The following LRBA variants were observed in gnomAD, a reference collection of about 807,000 sequenced individuals.
LRBA encodes the protein LPS responsive beige-like anchor protein.
A neutral mutation model predicts 330.0 loss-of-function variants in LRBA; 176 were observed. That is an observed-to-expected ratio of 0.53 (90% CI 0.47 to 0.60). The LOEUF is 0.60. Among genes scored for constraint, LRBA ranks in the 20% least tolerant of loss-of-function variants. LRBA has a pLI of 0.00. For synonymous variants in LRBA, 1,230 were observed against 1,193.0 expected (o/e 1.03, Z -0.64); for missense variants, 3,259 against 3,444.8 (o/e 0.95, Z 1.35).
intron 34 of LRBA, 108 bp from the exon 35 acceptor site, chr4:150,761,955 C>G: frequency 1.5e-6 from 1 of 657,598 alleles, no homozygotes; most frequent in Non-Finnish European, 2.7e-6. Context: ...ATGCCTAACT[C>G]TTAAAAGTTA....
intron 30 of LRBA, among the ~76,000 whole-genome samples, chr4:150,827,011 AGATAT>A (rs1465220804): frequency 6.6e-6 from 1 of 152,210 alleles, no homozygotes; most frequent in African/African-American, 2.4e-5. Context: ...GAGAGACTAT[AGATAT>A]GACAAAAAGG....
chr4:150,609,521 A>G (rs1775012499), intron 37 of LRBA, among the ~76,000 whole-genome samples: 1 of 152,220 alleles, frequency 6.6e-6, no homozygotes, highest in Non-Finnish European at 1.5e-5. Flanking sequence ...TATAAGAGAT[A>G]TTATACTTCT....
chr4:150,865,548 T>C (rs554569950), intron 22 of LRBA, among the ~76,000 whole-genome samples: 1 of 152,296 alleles, frequency 6.6e-6, no homozygotes, highest in Non-Finnish European at 1.5e-5. Context: ...AAATCAGATC[T>C]CTTTTCTTAT....
At chr4:150,494,724 G>A (rs928345318) in intron 40 of LRBA, among the ~76,000 whole-genome samples, 2 of 152,252 alleles carry the variant, frequency 1.3e-5, no homozygotes, top group Admixed American at 1.3e-4. Flanking sequence ...GGCGGGGCAC[G>A]GTGGCTCACG....
chr4:150,916,414 A>C lies in LRBA; in HGVS notation c.881T>G (p.Phe294Cys), dbSNP rs779765638. 2.5e-6 allele frequency: 4 copies of C among 1,612,682 alleles called. No homozygotes were observed. The African/African-American group carries it at 4.0e-5, about 16-fold the overall frequency. Residue 294 changes from phenylalanine (F) to cysteine (C), a missense_variant, in exon 7 of 57, where the codon TTC (phenylalanine) becomes TGC (cysteine). By Grantham distance (205) the Phe-to-Cys change is radical. Coordinates refer to ENST00000651943, the MANE Select transcript of LRBA (RefSeq NM_001364905.1). The stretch of plus-strand genomic sequence containing the variant: ...AAGATCATGTACCTTTTGTGGCTTG[A>C]AATCAAATTTCACACAGTGTTGAAA... Reference protein sequence around the residue: ...KGFQHCVKFDFKPQKWYMVTI... With the variant: ...KGFQHCVKFDCKPQKWYMVTI...
chr4:150,383,800 T>TA (rs1047973501), intron 47 of LRBA, among the ~76,000 whole-genome samples: 4 of 151,888 alleles, frequency 2.6e-5, no homozygotes, highest in Non-Finnish European at 4.4e-5. Context: ...GGCAGAAATT[T>TA]AAAAAAAGCC....
In LRBA at chr4:150,265,448, C is replaced by A; in HGVS notation, c.*274G>T. On this transcript the variant is annotated 3_prime_UTR_variant, in exon 57 of 57. Coordinates refer to ENST00000651943, the MANE Select transcript of LRBA (RefSeq NM_001364905.1). ...TGGAATAAGTGGTTTACTTGCTCCA[C>A]TGTATGTTTCCATAATTGGTGAAAA... 1.7e-5 allele frequency: 5 copies of A among 292,478 alleles called. 1 individual carries two copies. The South Asian group carries it at 2.3e-4, about 14-fold the overall frequency. The allele number at this position is 292,478 out of a possible 1,614,324, so 18.1% of individuals were successfully genotyped here.
chr4:150,799,271 G>C lies in LRBA; in HGVS notation c.5519-1129C>G, dbSNP rs538981947. ...AGTGTCAGCACTGGCAAGAAAATTA[G>C]CTATAGAATGTCTCTATATTGTATT... is the stretch of plus-strand genomic sequence containing the variant. On this transcript the variant is annotated intron_variant, in intron 33 of 56. Coordinates refer to ENST00000651943, the MANE Select transcript of LRBA (RefSeq NM_001364905.1). Among the ~76,000 whole-genome samples the C allele has an allele frequency of 4.0e-4, 61 of 152,160 alleles. 1 individual carries two copies. Among genetic ancestry groups the C allele is most frequent in the Non-Finnish European group, 1.3e-4 (9 of 68,022 alleles).
intron 48 of LRBA, among the ~76,000 whole-genome samples, chr4:150,348,126 G>C (rs1021623714): frequency 3.3e-5 from 5 of 152,166 alleles, no homozygotes; most frequent in Admixed American, 3.3e-4. Flanking sequence ...TGTTCTTCTA[G>C]ATTAACGCAC....
intron 47 of LRBA, among the ~76,000 whole-genome samples, chr4:150,365,367 A>T (rs1739312757): frequency 6.6e-6 from 1 of 152,174 alleles, no homozygotes; most frequent in Non-Finnish European, 1.5e-5. Flanking sequence ...ATACCAATAT[A>T]TTAGTTGCTA....
At chr4:150,455,660 T>C (rs2152038577) in intron 44 of LRBA, among the ~76,000 whole-genome samples, 1 of 152,324 alleles carries the variant, frequency 6.6e-6, no homozygotes, top group African/African-American at 2.4e-5. Flanking sequence ...ATCCCTTGTG[T>C]TACAATCAAA....
chr4:150,657,999 A>T (rs1276886394), intron 37 of LRBA, among the ~76,000 whole-genome samples: 3 of 152,168 alleles, frequency 2.0e-5, no homozygotes, highest in Non-Finnish European at 4.4e-5. Context: ...GTAAAGAAAT[A>T]AATGACCCAC....
intron 2 of LRBA, among the ~76,000 whole-genome samples, chr4:150,981,268 C>T (rs1164331338): frequency 6.6e-6 from 1 of 151,912 alleles, no homozygotes; most frequent in Non-Finnish European, 1.5e-5. Flanking sequence ...AAAAAATTAG[C>T]CAGGTGTGCT....
chr4:150,589,527 A>G (rs1772556936), intron 39 of LRBA, among the ~76,000 whole-genome samples: 1 of 152,200 alleles, frequency 6.6e-6, no homozygotes, highest in African/African-American at 2.4e-5. Flanking sequence ...CCCTCTGTAC[A>G]TTAGCATGTA....
chr4:150,927,200 C>A (rs1733975562), intron 4 of LRBA, among the ~76,000 whole-genome samples: 1 of 151,712 alleles, frequency 6.6e-6, no homozygotes, highest in Non-Finnish European at 1.5e-5. Context: ...TGGCAAAACC[C>A]CGTCTCTACT....
chr4:150,489,348 T>A (rs1292403496), intron 41 of LRBA, among the ~76,000 whole-genome samples: 9 of 68,876 alleles, frequency 1.3e-4, no homozygotes, highest in Non-Finnish European at 1.6e-4. Context: ...GAATATAAAA[T>A]ATATTACATA....
chr4:150,317,036 A>G (rs191447453), intron 50 of LRBA, among the ~76,000 whole-genome samples: 1 of 152,254 alleles, frequency 6.6e-6, no homozygotes, highest in East Asian at 1.9e-4. Context: ...TAATGAGCAT[A>G]TAATGAGGTC....
At chr4:150,452,683 T>C (rs913857231) in intron 44 of LRBA, among the ~76,000 whole-genome samples, 3 of 151,122 alleles carry the variant, frequency 2.0e-5, no homozygotes, top group African/African-American at 4.9e-5. Context: ...GAAAAGCCTA[T>C]AGCTAACATC....
chr4:150,953,319 A>T (rs1299117715), intron 2 of LRBA, among the ~76,000 whole-genome samples: 1 of 151,846 alleles, frequency 6.6e-6, no homozygotes, highest in Non-Finnish European at 1.5e-5. Flanking sequence ...CATCCATAAA[A>T]CAAATCTCAA....
Sources: allele counts gnomAD v4.1 joint callset (sites outside exome capture counted in the v4.1 genomes callset), GRCh38; gene constraint gnomAD v4.1.1; transcripts MANE v1.5; gene names NCBI Gene and HGNC (gene_info 2026-07-23, HGNC 2026-07-21).